The following FNTB variants were observed in gnomAD, a reference collection of about 807,000 sequenced individuals.
The protein encoded by FNTB is protein farnesyltransferase subunit beta.
In FNTB, 27 loss-of-function variants were observed where a neutral mutation model predicts 59.4. The observed-to-expected ratio is 0.45, with a 90% CI of 0.34 to 0.63. The LOEUF (loss-of-function observed/expected upper bound fraction) is 0.63, where lower values mean the gene tolerates loss of function less well. Ranked by LOEUF, FNTB falls within the 20% of genes least tolerant of loss-of-function variation. The pLI is 0.02. For missense variants in FNTB, 449 were observed against 559.6 expected (o/e 0.80, Z 1.99); for synonymous variants, 230 against 220.7 (o/e 1.04, Z -0.37).
intron 10 of FNTB, among the ~76,000 whole-genome samples, chr14:65,053,625 T>TAAAAAAAAACAAAAAAAAAAAAAAAA (rs201558638): frequency 6.8e-6 from 1 of 146,234 alleles, no homozygotes; most frequent in African/African-American, 2.7e-5. Context: ...CTTCTTTTTT[T>TAAAAAAAAACAAAAAAAAAAAAAAAA]TAAAAAAAAC....
At chr14:65,036,879 C>T (rs2062204411) in intron 7 of FNTB, among the ~76,000 whole-genome samples, 1 of 152,068 alleles carries the variant, frequency 6.6e-6, no homozygotes, top group Non-Finnish European at 1.5e-5. Context: ...CTCAAGTGAT[C>T]TGCCCTCCTG....
rs1341140586 is a variant in FNTB, at chr14:65,047,260, GT to G, written c.955+2820del. ...ACAACCCTATGAAATAGGTACCATT[GT>G]TTACAGATGAGGAAACAAACTACAG... On this transcript the variant is annotated intron_variant, in intron 9 of 11. Transcript: ENST00000246166. This position sits in a 1 kb window ranked among gnomAD's most constrained non-coding sequence, Gnocchi z 5.2. Among the ~76,000 whole-genome samples, 19 of 152,280 alleles carry G rather than the reference GT, an allele frequency of 1.2e-4. No homozygotes were observed. In the South Asian group the frequency reaches 3.3e-3, roughly 27 times the overall value.
intron 11 of FNTB, among the ~76,000 whole-genome samples, chr14:65,058,223 T>G (rs527564797): frequency 6.6e-6 from 1 of 151,654 alleles, no homozygotes; most frequent in Non-Finnish European, 1.5e-5. Context: ...TCTTTCAGTG[T>G]TTTTTTTATA....
At chr14:65,018,513 T>C (rs2139537029) in intron 4 of FNTB, among the ~76,000 whole-genome samples, 1 of 152,190 alleles carries the variant, frequency 6.6e-6, no homozygotes, top group Admixed American at 6.5e-5. Context: ...TAAAAGTGAT[T>C]TTATAAACTT....
Position 65,061,244 on chromosome 14 carries a change from C to A in FNTB, c.1246C>A (p.Leu416Ile), listed in dbSNP as rs369004788. ...DKVIQATTYF[L>I]QKPVPGFEEL... ...GGTGATCCAGGCCACTACATACTTTCTACAGAAGCCAGTCCCAGGTTTTGA... is the reference window on the plus strand; with the variant it reads ...GGTGATCCAGGCCACTACATACTTTATACAGAAGCCAGTCCCAGGTTTTGA... Residue 416 changes from leucine to isoleucine, a missense_variant, in exon 12 of 12, where the codon CTA becomes ATA. By Grantham distance (5) the Leu-to-Ile change is conservative (BLOSUM62 2). This residue lies in a region of FNTB where 337 missense variants were observed against 479.1 expected (regional missense o/e 0.70). Transcript: ENST00000246166. 1.6e-5 allele frequency: 26 copies of A among 1,614,070 alleles called. No homozygotes were observed. The highest frequency in any genetic ancestry group is 2.2e-5 in the Non-Finnish European group (26 of 1,180,042).
intron 7 of FNTB, among the ~76,000 whole-genome samples, chr14:65,035,556 G>A (rs1315981363): frequency 2.6e-5 from 4 of 151,932 alleles, no homozygotes; most frequent in Non-Finnish European, 4.4e-5. Flanking sequence ...TTGAGACCGA[G>A]TCTTGCTCTG....
chr14:65,008,784 G>A (rs2061637023), intron 2 of FNTB, among the ~76,000 whole-genome samples: 2 of 152,204 alleles, frequency 1.3e-5, no homozygotes, highest in African/African-American at 4.8e-5. Context: ...ATTGTGAAGA[G>A]TCTGGAAGCC....
chr14:65,008,656 G>A (rs1008161968), intron 2 of FNTB, among the ~76,000 whole-genome samples: 3 of 152,220 alleles, frequency 2.0e-5, no homozygotes, highest in Admixed American at 2.0e-4. Flanking sequence ...AGTGTTCCAG[G>A]CAGAGGGAAC....
intron 7 of FNTB, among the ~76,000 whole-genome samples, chr14:65,036,739 G>C (rs1266351503): frequency 6.6e-6 from 1 of 152,042 alleles, no homozygotes; most frequent in African/African-American, 2.4e-5. Flanking sequence ...TGTCACCCAG[G>C]TTGGAGTGCA....
At chr14:65,038,976 C>T (rs903074280) in intron 7 of FNTB, among the ~76,000 whole-genome samples, 1 of 152,180 alleles carries the variant, frequency 6.6e-6, no homozygotes, top group African/African-American at 2.4e-5. Context: ...TCTAAAGATA[C>T]AACTTTAAAA....
chr14:65,061,413 C>T lies in FNTB; in HGVS notation c.*101C>T. ...GCATTCTGTGCTACACAAGCCTTAGCCTCAGTGGAGCTGTGGTTCTCTTGG... is the reference window on the plus strand; with the variant it reads ...GCATTCTGTGCTACACAAGCCTTAGTCTCAGTGGAGCTGTGGTTCTCTTGG... On this transcript the variant is annotated 3_prime_UTR_variant, in exon 12 of 12. Coordinates refer to ENST00000246166, the MANE Select transcript of FNTB (RefSeq NM_002028.4). 1 of 1,506,748 alleles carries T rather than the reference C, an allele frequency of 6.6e-7. No homozygotes were observed. The highest frequency in any genetic ancestry group is 8.9e-7 in the Non-Finnish European group (1 of 1,122,980). The allele number at this position is 1,506,748 out of a possible 1,614,324, so 93.3% of individuals were successfully genotyped here. A position where few individuals can be genotyped will look rare whatever the true frequency, so the allele number is the denominator to read the frequency against.
chr14:65,040,394 G>A (rs1006653819), intron 7 of FNTB, among the ~76,000 whole-genome samples: 1 of 151,264 alleles, frequency 6.6e-6, no homozygotes, highest in African/African-American at 2.4e-5. Context: ...TCTTACACAA[G>A]TAGGCTGTTT....
At chr14:65,025,245 A>G (rs1037587923) in intron 4 of FNTB, among the ~76,000 whole-genome samples, 1 of 152,200 alleles carries the variant, frequency 6.6e-6, no homozygotes, top group South Asian at 2.1e-4. Flanking sequence ...CTTTAGGGTC[A>G]GTAGTGTTGC....
chr14:65,012,308 T>C lies in FNTB; in HGVS notation c.210-9T>C. The C allele has an allele frequency of 6.2e-7, 1 of 1,614,114 alleles. No homozygotes were observed. On this transcript the variant is annotated splice_polypyrimidine_tract_variant and intron_variant, in intron 2 of 11. Coordinates refer to ENST00000246166, the MANE Select transcript of FNTB (RefSeq NM_002028.4). This position sits in a 1 kb window ranked among gnomAD's most constrained non-coding sequence, Gnocchi z 5.0. ...TTAGAATGGGCTTATAAACTGTTTG[T>C]CTTTCCAGGCTTGTTTTGCAGAGGG... is the stretch of plus-strand genomic sequence containing the variant.
chr14:65,049,593 T>C (rs1048008544), intron 9 of FNTB, among the ~76,000 whole-genome samples: 4 of 152,194 alleles, frequency 2.6e-5, no homozygotes, highest in Admixed American at 1.3e-4. Flanking sequence ...TTTAATAATA[T>C]AGGAAGTCAC....
chr14:65,031,877 T>C lies in FNTB; in HGVS notation c.606-733T>C, dbSNP rs1039358542. 3.3e-5 allele frequency among the ~76,000 whole-genome samples: 5 copies of C among 152,014 alleles called. No individual in the cohort carries two copies. Among genetic ancestry groups the C allele is most frequent in the Admixed American group, 1.3e-4 (2 of 15,272 alleles). On this transcript the variant is annotated intron_variant, in intron 6 of 11. Coordinates refer to ENST00000246166, the MANE Select transcript of FNTB (RefSeq NM_002028.4). This position sits in a 1 kb window ranked among gnomAD's most constrained non-coding sequence, Gnocchi z 4.6. ...CGGAGGTTGCAGTGAGCTGAGATCA[T>C]ACCACTGCACTCTAGCCTGGGCGAC...
chr14:65,044,975 A>T lies in FNTB; in HGVS notation c.955+532A>T. On this transcript the variant is annotated intron_variant, in intron 9 of 11. Transcript: ENST00000246166. This position sits in a 1 kb window ranked among gnomAD's most constrained non-coding sequence, Gnocchi z 5.5. The stretch of plus-strand genomic sequence containing the variant: ...GACTGGCTGCAGAGTTGTCACTATT[A>T]GAAATGTTTTATTTTACATTCATTG... Among the ~76,000 whole-genome samples the T allele has an allele frequency of 6.6e-6, 1 of 152,204 alleles. No homozygotes were observed. Among genetic ancestry groups the T allele is most frequent in the Admixed American group, 6.5e-5 (1 of 15,286 alleles).
intron 11 of FNTB, among the ~76,000 whole-genome samples, chr14:65,060,682 C>T (rs1476059907): frequency 8.8e-5 from 7 of 79,136 alleles, no homozygotes; most frequent in South Asian, 4.7e-4. Flanking sequence ...GGCGACAGAG[C>T]GAGAGACTCC....
chr14:65,019,143 A>T (rs2061838958), intron 4 of FNTB, among the ~76,000 whole-genome samples: 1 of 152,174 alleles, frequency 6.6e-6, no homozygotes, highest in Non-Finnish European at 1.5e-5. Flanking sequence ...ACTGCACTCC[A>T]GCCTGGGCAA....
Sources: gnomAD v4.1 joint callset for allele counts (sites outside exome capture counted in the v4.1 genomes callset) on GRCh38, gnomAD v4.1.1 for gene constraint, gnomAD v4.1.1 regional missense constraint, Gnocchi (gnomAD v3.1) non-coding constraint, MANE v1.5 for transcripts, NCBI Gene and HGNC (gene_info 2026-07-23, HGNC 2026-07-21) for gene names.